Variants in AHCYL2 observed in about 807,000 individuals in gnomAD.
AHCYL2 encodes the protein S-adenosylhomocysteine hydrolase-like protein 2.
A neutral mutation model predicts 81.4 loss-of-function variants in AHCYL2; 28 were observed. The observed-to-expected ratio is 0.34, with a 90% confidence interval of 0.25 to 0.47. The LOEUF is 0.47. AHCYL2 is among the 20% of genes least tolerant of loss of function. AHCYL2 has a pLI of 1.00. For synonymous variants in AHCYL2, 272 were observed against 290.2 expected, an observed-to-expected ratio of 0.94 and a Z score of 0.64; for missense variants, 551 against 785.1, an observed-to-expected ratio of 0.70 and a Z score of 3.56.
At chr7:129,329,033 G>A (rs1483517624) in intron 1 of AHCYL2, among the ~76,000 whole-genome samples, 1 of 152,164 alleles carries the variant, frequency 6.6e-6, no homozygotes, top group African/African-American at 2.4e-5. Context: ...CCTTTGAAAA[G>A]CTAGGCCAGA....
In AHCYL2 at chr7:129,391,527, T is replaced by C. The variant is rs74492015; in HGVS notation, c.720+1793T>C. On this transcript the variant is annotated intron_variant, in intron 4 of 16. Coordinates refer to ENST00000325006, the MANE Select transcript of AHCYL2 (RefSeq NM_015328.4). ...CCAATAGCACTCCCCTTCCAATTAT[T>C]GTGGCAACCAAAAATGCCCCCACAA... 1.1e-3 allele frequency among the ~76,000 whole-genome samples: 167 copies of C among 152,334 alleles called. 3 individuals carry two copies. In the East Asian group the frequency reaches 0.029, roughly 27 times the overall value.
chr7:129,255,689 A>C (rs536864338), intron 1 of AHCYL2, among the ~76,000 whole-genome samples: 30 of 152,358 alleles, frequency 2.0e-4, no homozygotes, highest in Non-Finnish European at 2.9e-4. Context: ...TGTGAATAAA[A>C]ATGAAAATGA....
intron 1 of AHCYL2, among the ~76,000 whole-genome samples, chr7:129,269,488 C>G (rs950010097): frequency 1.3e-4 from 20 of 151,992 alleles, no homozygotes; most frequent in African/African-American, 4.6e-4. Context: ...GGGGTTTCAC[C>G]ATGCTAACCA....
chr7:129,340,483 G>A (rs1793136693), intron 1 of AHCYL2, among the ~76,000 whole-genome samples: 1 of 150,864 alleles, frequency 6.6e-6, no homozygotes. Context: ...CAGGAGAATG[G>A]CGTGAACTCG....
intron 1 of AHCYL2, among the ~76,000 whole-genome samples, chr7:129,239,757 C>A (rs1794775900): frequency 6.6e-6 from 1 of 151,986 alleles, no homozygotes; most frequent in African/African-American, 2.4e-5. Flanking sequence ...GAAAAATAAA[C>A]AGGCACAGAT....
At chr7:129,242,634 G>A (rs1013901173) in intron 1 of AHCYL2, among the ~76,000 whole-genome samples, 2 of 151,616 alleles carry the variant, frequency 1.3e-5, no homozygotes, top group Non-Finnish European at 2.9e-5. Flanking sequence ...GGAGAATCAT[G>A]TGAACCCAGG....
chr7:129,401,714 T>A (rs1329827551), intron 6 of AHCYL2, among the ~76,000 whole-genome samples: 1 of 152,152 alleles, frequency 6.6e-6, no homozygotes, highest in Non-Finnish European at 1.5e-5. Context: ...CTGAAGCAGA[T>A]ATGCCAGGGG....
chr7:129,426,417 A>G lies in AHCYL2; in HGVS notation c.1709-26A>G. The G allele has an allele frequency of 6.2e-7, 1 of 1,614,072 alleles. No individual in the cohort carries two copies. The highest frequency in any genetic ancestry group is 8.5e-7 in the Non-Finnish European group (1 of 1,179,942). On this transcript the variant is annotated intron_variant, in intron 15 of 16. Transcript: ENST00000325006. This position sits in a 1 kb window ranked among gnomAD's most constrained non-coding sequence, Gnocchi z 4.3. ...TCAGATAAAAGGCATGAATGCTTAT[A>G]CCAGGGCTTCTGTGGTCTGTTCCAG...
intron 2 of AHCYL2, among the ~76,000 whole-genome samples, chr7:129,387,816 AC>A (rs1467574613): frequency 6.6e-6 from 1 of 152,176 alleles, no homozygotes; most frequent in African/African-American, 2.4e-5. Context: ...TTGGGGATTT[AC>A]TAATTCCCTC....
chr7:129,260,828 A>T (rs986144122), intron 1 of AHCYL2, among the ~76,000 whole-genome samples: 1 of 151,826 alleles, frequency 6.6e-6, no homozygotes, highest in African/African-American at 2.4e-5. Flanking sequence ...TTGCCCTGTC[A>T]CCCAGGCTGG....
At chr7:129,296,204 A>C (rs139530005) in intron 1 of AHCYL2, among the ~76,000 whole-genome samples, 139 of 152,308 alleles carry the variant, frequency 9.1e-4, no homozygotes, top group African/African-American at 3.2e-3. Context: ...TTAGGAGAAA[A>C]CACATTTAGA....
chr7:129,324,565 G>T (rs1457408185), intron 1 of AHCYL2, among the ~76,000 whole-genome samples: 1 of 152,100 alleles, frequency 6.6e-6, no homozygotes, highest in Non-Finnish European at 1.5e-5. Flanking sequence ...ACCCAGACTG[G>T]AGTGCAGTGG....
At chr7:129,299,071 C>A (rs919322588) in intron 1 of AHCYL2, among the ~76,000 whole-genome samples, 13 of 152,050 alleles carry the variant, frequency 8.5e-5, no homozygotes, top group Non-Finnish European at 1.0e-4. Flanking sequence ...GAATTTGATA[C>A]AATTTCCATG....
chr7:129,303,506 T>C (rs1797322025), intron 1 of AHCYL2, among the ~76,000 whole-genome samples: 1 of 152,220 alleles, frequency 6.6e-6, no homozygotes, highest in Non-Finnish European at 1.5e-5. Flanking sequence ...CTGTAATGTC[T>C]TCTTTTTCAT....
Position 129,400,380 on chromosome 7 carries a change from A to C in AHCYL2, c.914A>C (p.Asn305Thr). 1 of 1,613,022 alleles carries C rather than the reference A, an allele frequency of 6.2e-7. No individual in the cohort carries two copies. Among genetic ancestry groups the C allele is most frequent in the Non-Finnish European group, 8.5e-7 (1 of 1,179,252 alleles). ...GTGAATGTGGAGGGCTGGCAGCCAA[A>C]CATGGTGGGTCAGATTTCTGCTAAC... is the stretch of plus-strand genomic sequence containing the variant. The part of the protein sequence containing the change: ...RCVNVEGWQP[N>T]MILDDGGDLT... Residue 305 changes from asparagine (N) to threonine (T), a missense_variant, in exon 6 of 17, where the codon AAC becomes ACC. Physicochemically the swap from Asn to Thr is moderately conservative, Grantham distance 65 (BLOSUM62 0). Transcript: ENST00000325006.
At chr7:129,269,371 C>T (rs1366174513) in intron 1 of AHCYL2, among the ~76,000 whole-genome samples, 4 of 151,956 alleles carry the variant, frequency 2.6e-5, no homozygotes, top group East Asian at 1.9e-4. Flanking sequence ...CTGCAACCTC[C>T]GCCTCCTGGG....
intron 1 of AHCYL2, among the ~76,000 whole-genome samples, chr7:129,239,737 CAA>C (rs1355283190): frequency 1.3e-5 from 2 of 152,098 alleles, no homozygotes; most frequent in Non-Finnish European, 2.9e-5. Flanking sequence ...TCAATAGACA[CAA>C]AGACATAGAA....
intron 1 of AHCYL2, among the ~76,000 whole-genome samples, chr7:129,274,038 A>G (rs917857694): frequency 3.3e-5 from 5 of 152,158 alleles, no homozygotes; most frequent in African/African-American, 9.7e-5. Flanking sequence ...GGTGGAGCCA[A>G]GGGTTGTGGA....
intron 2 of AHCYL2, among the ~76,000 whole-genome samples, chr7:129,387,838 G>C (rs1361893307): frequency 1.3e-5 from 2 of 152,138 alleles, no homozygotes; most frequent in East Asian, 1.9e-4. Context: ...ACCTCCCCTG[G>C]TGCCCATGTT....
Sources: allele counts gnomAD v4.1 joint callset (sites outside exome capture counted in the v4.1 genomes callset), GRCh38; gene constraint gnomAD v4.1.1; non-coding constraint Gnocchi (gnomAD v3.1); transcripts MANE v1.5; gene names NCBI Gene and HGNC (gene_info 2026-07-23, HGNC 2026-07-21).